The following PGAP1 variants were observed in gnomAD, a reference collection of about 807,000 sequenced individuals.
The protein encoded by PGAP1 is GPI inositol-deacylase.
A neutral mutation model predicts 127.0 loss-of-function variants in PGAP1; 76 were observed. The observed-to-expected ratio is 0.60, with a 90% CI of 0.50 to 0.72. The LOEUF is 0.72. Among genes scored for constraint, PGAP1 ranks in the 30% least tolerant of loss-of-function variants. The pLI is 0.00. For missense variants in PGAP1, 982 were observed against 1,071.3 expected (o/e 0.92, Z 1.16); for synonymous variants, 362 against 366.5 (o/e 0.99, Z 0.14).
At chr2:196,842,973 A>T in intron 25 of PGAP1, 148 bp from the exon 26 acceptor site, 1 of 379,994 alleles carries the variant, frequency 2.6e-6, no homozygotes, top group Admixed American at 4.6e-5. Flanking sequence ...TATCTGATAA[A>T]TAATTTTTGT....
At chr2:196,841,964 C>T (rs1700425137) in intron 26 of PGAP1, among the ~76,000 whole-genome samples, 1 of 151,508 alleles carries the variant, frequency 6.6e-6, no homozygotes, top group South Asian at 2.1e-4. Context: ...TCAGTAGTTC[C>T]ACTTCTAGAA....
Position 196,841,103 on chromosome 2 carries a change from A to G in PGAP1, c.*131T>C. 1 of 1,045,716 alleles carries G rather than the reference A, an allele frequency of 9.6e-7. No homozygotes were observed. Among genetic ancestry groups the G allele is most frequent in the Non-Finnish European group, 1.4e-6 (1 of 728,834 alleles). 64.8% of individuals were successfully genotyped at this position (1,045,716 alleles called of 1,614,324 possible). On this transcript the variant is annotated 3_prime_UTR_variant, in exon 27 of 27. Coordinates refer to ENST00000354764, the MANE Select transcript of PGAP1 (RefSeq NM_024989.4). Reference sequence around the variant, plus strand: ...TCAAACATTACAAAACTAATTTCCTATTTTCAATATTGTAAAAATAGACTT... The same window carrying G: ...TCAAACATTACAAAACTAATTTCCTGTTTTCAATATTGTAAAAATAGACTT...
At position 196,874,747 on chromosome 2, in the gene PGAP1, C is replaced by T. The variant is rs573606022; in HGVS notation, c.1427-989G>A. Among the ~76,000 whole-genome samples the T allele has an allele frequency of 3.9e-5, 6 of 152,326 alleles. No individual in the cohort carries two copies. In the South Asian group the frequency reaches 1.2e-3, roughly 32 times the overall value. ...GAAAGTATTAGGCTGGGCACGTTGG[C>T]TCATGCCTGTAATTCCGGCATTTTG... On this transcript the variant is annotated intron_variant, in intron 14 of 26. Transcript: ENST00000354764.
chr2:196,919,099 A>G (rs1703102854), intron 2 of PGAP1, among the ~76,000 whole-genome samples: 1 of 151,928 alleles, frequency 6.6e-6, no homozygotes, highest in Admixed American at 6.6e-5. Flanking sequence ...ATCTCCTCAC[A>G]ATGGCCTTTC....
intron 1 of PGAP1, among the ~76,000 whole-genome samples, chr2:196,925,115 T>C (rs1012116207): frequency 6.6e-6 from 1 of 152,182 alleles, no homozygotes; most frequent in East Asian, 1.9e-4. Flanking sequence ...CAAAATCTTC[T>C]CCTTCGATAG....
intron 20 of PGAP1, among the ~76,000 whole-genome samples, chr2:196,862,560 T>C (rs1559339437): frequency 6.6e-6 from 1 of 152,212 alleles, no homozygotes; most frequent in African/African-American, 2.4e-5. Context: ...AAATCTCTAA[T>C]AAAAACTTGC....
chr2:196,872,008 T>C (rs1028701353), intron 18 of PGAP1, among the ~76,000 whole-genome samples: 7 of 152,008 alleles, frequency 4.6e-5, no homozygotes, highest in Non-Finnish European at 5.9e-5. Context: ...CACATTTTAA[T>C]GACTAGCAGA....
chr2:196,900,207 C>T (rs7569332), intron 5 of PGAP1, among the ~76,000 whole-genome samples: 17,197 of 152,128 alleles, frequency 0.11, 1,253 homozygotes, highest in African/African-American at 0.21. Context: ...ATGGAATGCC[C>T]ACTCTCAGCC....
At position 196,833,617 on chromosome 2, in the gene PGAP1, G is replaced by A. The variant is rs186827496; in HGVS notation, c.*7617C>T. ...TCATGTCAATAAGATCATGTTTTAA[G>A]GAAAGACATTTTCTTTGTATGTGTT... On this transcript the variant is annotated 3_prime_UTR_variant, in exon 27 of 27. Coordinates refer to ENST00000354764, the MANE Select transcript of PGAP1 (RefSeq NM_024989.4). 1 of 152,214 alleles carries A rather than the reference G, an allele frequency of 6.6e-6. No individual in the cohort carries two copies. The highest frequency in any genetic ancestry group is 2.4e-5 in the African/African-American group (1 of 41,546). 9.4% of individuals were successfully genotyped at this position (152,214 alleles called of 1,614,324 possible). A position where few individuals can be genotyped will look rare whatever the true frequency, so the allele number is the denominator to read the frequency against.
chr2:196,897,265 C>T, intron 6 of PGAP1, 68 bp from the exon 7 acceptor site: 3 of 958,840 alleles, frequency 3.1e-6, no homozygotes, highest in Non-Finnish European at 4.7e-6. Context: ...AAAATATGCA[C>T]AATTCTATTG....
chr2:196,848,067 T>A, intron 20 of PGAP1, 30 bp from the exon 21 acceptor site: 2 of 1,476,686 alleles, frequency 1.4e-6, no homozygotes, highest in Non-Finnish European at 9.3e-7. Context: ...TACATGCAAT[T>A]TACAGTAATT....
intron 8 of PGAP1, among the ~76,000 whole-genome samples, 185 bp downstream of exon 8, chr2:196,892,955 T>C (rs1702150551): frequency 1.3e-5 from 2 of 152,030 alleles, no homozygotes; most frequent in South Asian, 4.1e-4. Flanking sequence ...TGCTTCTTTT[T>C]CCCTTCCTAA....
intron 7 of PGAP1, among the ~76,000 whole-genome samples, chr2:196,894,802 AAAAAAC>A (rs550723911): frequency 2.2e-3 from 330 of 152,258 alleles, no homozygotes; most frequent in Non-Finnish European, 3.9e-3. Context: ...ACTCCGTCTC[AAAAAAC>A]AAAAACAAAA....
At chr2:196,876,617 G>A (rs1294420212) in intron 13 of PGAP1, among the ~76,000 whole-genome samples, 2 of 152,030 alleles carry the variant, frequency 1.3e-5, no homozygotes, top group Admixed American at 6.5e-5. Flanking sequence ...TTGATCTACG[G>A]AAGCTAAAGA....
intron 7 of PGAP1, among the ~76,000 whole-genome samples, chr2:196,894,381 G>A (rs1038685388): frequency 5.3e-5 from 8 of 152,176 alleles, no homozygotes; most frequent in African/African-American, 1.7e-4. Flanking sequence ...TAGAGTGGAG[G>A]ACAGTGGAAC....
At chr2:196,866,764 C>A (rs1376286388) in intron 19 of PGAP1, among the ~76,000 whole-genome samples, 2 of 151,700 alleles carry the variant, frequency 1.3e-5, no homozygotes, top group Non-Finnish European at 2.9e-5. Context: ...AGAACTTAAA[C>A]AAATTCACAA....
At position 196,902,632 on chromosome 2, in the gene PGAP1, T is replaced by G. The variant is rs1360058222; in HGVS notation, c.760A>C (p.Thr254Pro). 6.2e-7 allele frequency: 1 copy of G among 1,613,778 alleles called. No homozygotes were observed. Among genetic ancestry groups the G allele is most frequent in the Non-Finnish European group, 8.5e-7 (1 of 1,179,812 alleles). Reference protein sequence around the residue: ...FRDYQVRSGLTFLPKLSHHTS... With the variant: ...FRDYQVRSGLPFLPKLSHHTS... ...TGATGGCTTAATTTTGGTAGAAAAG[T>G]CAATCCTGAACGAACTTGGTAATCC... The change falls in exon 5 of 27, where the codon ACT (threonine) becomes CCT (proline). Residue 254 changes from threonine to proline, a missense_variant. Coordinates refer to ENST00000354764, the MANE Select transcript of PGAP1 (RefSeq NM_024989.4).
intron 12 of PGAP1, among the ~76,000 whole-genome samples, chr2:196,885,137 T>C (rs541302323): frequency 6.6e-6 from 1 of 152,320 alleles, no homozygotes; most frequent in Admixed American, 6.5e-5. Flanking sequence ...AAATTGAATG[T>C]TAGAAATCCA....
intron 4 of PGAP1, among the ~76,000 whole-genome samples, chr2:196,912,580 TAAA>T (rs531959600): frequency 2.4e-5 from 2 of 82,480 alleles, no homozygotes; most frequent in African/African-American, 4.4e-5. Context: ...ACCCTGTCTT[TAAA>T]AAAAAAAAAA....
Sources: allele counts gnomAD v4.1 joint callset (sites outside exome capture counted in the v4.1 genomes callset), GRCh38; gene constraint gnomAD v4.1.1; transcripts MANE v1.5; gene names NCBI Gene and HGNC (gene_info 2026-07-23, HGNC 2026-07-21).